DIP2C: variants seen among roughly 807,000 people sequenced by gnomAD.
The protein encoded by DIP2C is disco-interacting protein 2 homolog C.
Under a neutral mutation model 192.4 loss-of-function variants are expected in DIP2C, and 33 were observed. The observed-to-expected ratio is 0.17, with a 90% confidence interval of 0.13 to 0.23. The LOEUF is 0.23. DIP2C is among the 10% of genes least tolerant of loss of function. The pLI, the probability that DIP2C is intolerant of heterozygous loss-of-function variation, is 1.00. For missense variants in DIP2C, 1,537 were observed against 2,110.1 expected (o/e 0.73, Z 5.32); for synonymous variants, 979 against 864.1 (o/e 1.13, Z -2.33).
intron 3 of DIP2C, among the ~76,000 whole-genome samples, chr10:443,607 C>T (rs1967918971): frequency 6.6e-6 from 1 of 152,200 alleles, no homozygotes; most frequent in South Asian, 2.1e-4. Flanking sequence ...CTGTCCCTGT[C>T]TACATCTGTC....
In DIP2C at chr10:331,930, CT is replaced by C. The variant is rs561562308; in HGVS notation, c.3585-2330del. Among the ~76,000 whole-genome samples, 4 of 151,180 alleles carry C rather than the reference CT, an allele frequency of 2.6e-5. No individual in the cohort carries two copies. In the South Asian group the frequency reaches 6.2e-4, roughly 24 times the overall value. The stretch of plus-strand genomic sequence containing the variant: ...ATTTACCATATTAACCACTTCTTTT[CT>C]TTTTTTCTGAGACAGAGTCTTACTT... On this transcript the variant is annotated intron_variant, in intron 29 of 36. Transcript: ENST00000280886.
At position 372,133 on chromosome 10, in the gene DIP2C, T is replaced by C. The variant is rs926270124; in HGVS notation, c.1992-2500A>G. Among the ~76,000 whole-genome samples the C allele has an allele frequency of 2.7e-5, 4 of 150,466 alleles. No homozygotes were observed. In the East Asian group the frequency reaches 6.0e-4, roughly 23 times the overall value. ...CTCTGTCACCCAGGCTGCAGTGCAATGGCGTGATCTTGGCTCGCTGCAACC... is the reference window on the plus strand; with the variant it reads ...CTCTGTCACCCAGGCTGCAGTGCAACGGCGTGATCTTGGCTCGCTGCAACC... On this transcript the variant is annotated intron_variant, in intron 17 of 36. Coordinates refer to ENST00000280886, the MANE Select transcript of DIP2C (RefSeq NM_014974.3).
At chr10:392,909 C>T (rs1963613186) in intron 10 of DIP2C, among the ~76,000 whole-genome samples, 1 of 152,206 alleles carries the variant, frequency 6.6e-6, no homozygotes. Flanking sequence ...CAGGCGCGCA[C>T]ACACACTCAA....
intron 1 of DIP2C, among the ~76,000 whole-genome samples, chr10:604,831 C>T (rs530955942): frequency 3.3e-4 from 50 of 152,284 alleles, no homozygotes; most frequent in African/African-American, 1.1e-3. Flanking sequence ...CAGGGAGAAG[C>T]CAGACCATAC....
rs140415896 is a variant in DIP2C, at chr10:652,885, C to A, written c.85+36609G>T. Reference sequence around the variant, plus strand: ...CATTTTCCACACCAGGACAGATGGACCCTGCTCTCCTTCCTCCCCGCCCAC... The same window carrying A: ...CATTTTCCACACCAGGACAGATGGAACCTGCTCTCCTTCCTCCCCGCCCAC... On this transcript the variant is annotated intron_variant, in intron 1 of 36. Transcript: ENST00000280886. This position sits in a 1 kb window ranked among gnomAD's most constrained non-coding sequence, Gnocchi z 4.5. Among the ~76,000 whole-genome samples, 1 of 151,950 alleles carries A rather than the reference C, an allele frequency of 6.6e-6. No homozygotes were observed. Among genetic ancestry groups the A allele is most frequent in the Non-Finnish European group, 1.5e-5 (1 of 67,968 alleles).
intron 1 of DIP2C, chr10:668,191 C>T (rs1047182441): frequency 6.6e-6 from 1 of 152,070 alleles, no homozygotes; most frequent in Non-Finnish European, 1.5e-5. Context: ...ATACATGCAA[C>T]TCACAACACA....
At chr10:585,248 G>C (rs985489475) in intron 1 of DIP2C, among the ~76,000 whole-genome samples, 3 of 152,092 alleles carry the variant, frequency 2.0e-5, no homozygotes, top group Admixed American at 1.3e-4. Flanking sequence ...CCCATCCCAC[G>C]CCACCCTGTT....
At chr10:649,643 G>A (rs1291800926) in intron 1 of DIP2C, among the ~76,000 whole-genome samples, 1 of 152,156 alleles carries the variant, frequency 6.6e-6, no homozygotes, top group Non-Finnish European at 1.5e-5. Flanking sequence ...CATTCATTGG[G>A]GGAAGTCGGA....
In DIP2C at chr10:462,267, A is replaced by C. The variant is rs181382715; in HGVS notation, c.268+10172T>G. 2.9e-3 allele frequency among the ~76,000 whole-genome samples: 442 copies of C among 152,310 alleles called. 2 individuals carry two copies. The highest frequency in any genetic ancestry group is 6.2e-3 in the East Asian group (32 of 5,188). On this transcript the variant is annotated intron_variant, in intron 3 of 36. Transcript: ENST00000280886. ...GCTGGTTTTTGGAAAAGATCAACAAAATAGATAGACCACTAGCCAGACAAA... is the reference window on the plus strand; with the variant it reads ...GCTGGTTTTTGGAAAAGATCAACAACATAGATAGACCACTAGCCAGACAAA...
At position 349,404 on chromosome 10, in the gene DIP2C, C is replaced by T; in HGVS notation, c.3036G>A (p.Glu1012=). The T allele has an allele frequency of 2.5e-6, 4 of 1,611,468 alleles. No individual in the cohort carries two copies. The highest frequency in any genetic ancestry group is 3.4e-6 in the Non-Finnish European group (4 of 1,179,770). The stretch of plus-strand genomic sequence containing the variant: ...TCTCCATCAGCATCACGGCGATCTT[C>T]TCAGCTCTCTTGTGCAGCTGCACGC... ...LTCVQLHKRA[E]KIAVMLMERG... is the part of the protein sequence containing the mutation. The change falls in exon 25 of 37, where the codon GAG becomes GAA. Residue 1012 remains glutamate (E), a synonymous_variant. Transcript: ENST00000280886.
rs1335325467 is a variant in DIP2C at position 364,394 on chromosome 10, C to A, written c.2457G>T (p.Met819Ile). The A allele has an allele frequency of 3.7e-6, 6 of 1,612,802 alleles. No homozygotes were observed. Among genetic ancestry groups the A allele is most frequent in the Non-Finnish European group, 5.1e-6 (6 of 1,178,996 alleles). Reference sequence around the variant, plus strand: ...CTGACCTTCCCCGGTAGACAAACTTCATGGGTTCTACGGCCAGCGCAGTGG... The same window carrying A: ...CTGACCTTCCCCGGTAGACAAACTTAATGGGTTCTACGGCCAGCGCAGTGG... ...IVATALAVEP[M>I]KFVYRGRIAV... The change falls in exon 20 of 37, where the codon ATG (methionine) becomes ATT (isoleucine). Residue 819 changes from methionine (M) to isoleucine (I), a missense_variant. Met to Ile is a conservative substitution (Grantham distance 10). This residue lies in a region of DIP2C where 677 missense variants were observed against 989.9 expected (regional missense o/e 0.68). Transcript: ENST00000280886.
chr10:594,972 G>A (rs909105367), intron 1 of DIP2C, among the ~76,000 whole-genome samples: 3 of 152,174 alleles, frequency 2.0e-5, no homozygotes, highest in Admixed American at 6.5e-5. Flanking sequence ...GACAGAACAC[G>A]CCCTCACCGC....
chr10:431,694 A>C (rs1299201513), intron 4 of DIP2C, among the ~76,000 whole-genome samples: 1 of 152,216 alleles, frequency 6.6e-6, no homozygotes, highest in Non-Finnish European at 1.5e-5. Flanking sequence ...TCTATGAACA[A>C]AGTTTTATTT....
intron 1 of DIP2C, among the ~76,000 whole-genome samples, chr10:682,967 G>A (rs1010289984): frequency 2.6e-5 from 4 of 152,128 alleles, no homozygotes; most frequent in Non-Finnish European, 5.9e-5. Context: ...TCTCTACCCT[G>A]GACAGTGTTC....
At position 564,153 on chromosome 10, in the gene DIP2C, GTGTC is replaced by G. The variant is rs1220073711; in HGVS notation, c.86-77627_86-77624del. 5.9e-5 allele frequency among the ~76,000 whole-genome samples: 9 copies of G among 152,300 alleles called. No individual in the cohort carries two copies. In the East Asian group the frequency reaches 1.5e-3, roughly 26 times the overall value. The stretch of plus-strand genomic sequence containing the variant: ...TTCTCAGACCCTGTGAGAATATAAA[GTGTC>G]TGAGTCCATGGTGGTCCTCTCATTA... On this transcript the variant is annotated intron_variant, in intron 1 of 36. Transcript: ENST00000280886.
intron 24 of DIP2C, among the ~76,000 whole-genome samples, chr10:352,625 C>G (rs1395014951): frequency 6.6e-6 from 1 of 152,208 alleles, no homozygotes; most frequent in Non-Finnish European, 1.5e-5. Context: ...GGCCATGGGT[C>G]ACACCAGGTG....
chr10:662,073 G>T (rs551345401), intron 1 of DIP2C: 19 of 717,266 alleles, frequency 2.6e-5, no homozygotes, highest in Admixed American at 2.6e-4. Context: ...CACATCAAAG[G>T]CACGATTCTC....
chr10:571,378 T>C (rs997165524), intron 1 of DIP2C, among the ~76,000 whole-genome samples: 9 of 152,174 alleles, frequency 5.9e-5, no homozygotes, highest in Admixed American at 6.5e-5. Flanking sequence ...GAAAATCAGC[T>C]GTGACGCACC....
chr10:395,036 G>A (rs1336831195), intron 10 of DIP2C, among the ~76,000 whole-genome samples: 1 of 150,550 alleles, frequency 6.6e-6, no homozygotes, highest in Admixed American at 6.6e-5. Flanking sequence ...AAAGACCAAG[G>A]CTACATGAGC....
Sources: gnomAD v4.1 joint callset for allele counts (sites outside exome capture counted in the v4.1 genomes callset) on GRCh38, gnomAD v4.1.1 for gene constraint, gnomAD v4.1.1 regional missense constraint, Gnocchi (gnomAD v3.1) non-coding constraint, MANE v1.5 for transcripts, NCBI Gene and HGNC (gene_info 2026-07-23, HGNC 2026-07-21) for gene names.